BICRAL: variants seen among roughly 807,000 people sequenced by gnomAD.
BICRAL encodes BRD4-interacting chromatin-remodeling complex-associated protein-like.
A neutral mutation model predicts 91.8 loss-of-function variants in BICRAL; 8 were observed. The observed-to-expected ratio is 0.09, with a 90% CI of 0.05 to 0.16. The LOEUF (loss-of-function observed/expected upper bound fraction) is 0.16. Ranked by LOEUF, BICRAL falls within the 10% of genes least tolerant of loss-of-function variation. BICRAL has a pLI of 1.00. For synonymous variants in BICRAL, 445 were observed against 491.1 expected, an observed-to-expected ratio of 0.91 and a Z score of 1.24; for missense variants, 1,038 against 1,310.9, an observed-to-expected ratio of 0.79 and a Z score of 3.21.
chr6:42,804,371 A>T (rs1255682173), intron 1 of BICRAL, among the ~76,000 whole-genome samples: 1 of 152,152 alleles, frequency 6.6e-6, no homozygotes, highest in Non-Finnish European at 1.5e-5. Flanking sequence ...TCCACTGTGT[A>T]TGAAAGGTTG....
intron 9 of BICRAL, 76 bp downstream of exon 9, chr6:42,855,993 G>C: frequency 8.7e-7 from 1 of 1,154,226 alleles, no homozygotes; most frequent in South Asian, 1.2e-5. Flanking sequence ...ATATACCACA[G>C]AAAACAGGTT....
At chr6:42,811,654 G>C (rs1763848257) in intron 2 of BICRAL, among the ~76,000 whole-genome samples, 1 of 151,636 alleles carries the variant, frequency 6.6e-6, no homozygotes, top group South Asian at 2.1e-4. Flanking sequence ...ACGTTCCCAG[G>C]GTACCCAGAG....
At chr6:42,852,017 T>A (rs1030622096) in intron 6 of BICRAL, 75 bp from the exon 7 acceptor site, 10 of 885,488 alleles carry the variant, frequency 1.1e-5, no homozygotes, top group Non-Finnish European at 1.8e-5. Context: ...ATGAAGAGGC[T>A]TGGTTGGTAT....
intron 2 of BICRAL, among the ~76,000 whole-genome samples, chr6:42,817,119 C>G (rs1764015434): frequency 6.6e-6 from 1 of 151,056 alleles, no homozygotes. Context: ...ATTTTAGGTT[C>G]TATACATTTA....
At chr6:42,821,467 C>T (rs1455862083) in intron 2 of BICRAL, among the ~76,000 whole-genome samples, 1 of 152,136 alleles carries the variant, frequency 6.6e-6, no homozygotes, top group Non-Finnish European at 1.5e-5. Context: ...TGGGACCGGC[C>T]GGCCAGAGCC....
At chr6:42,790,998 G>A (rs2113877609) in intron 1 of BICRAL, among the ~76,000 whole-genome samples, 1 of 152,132 alleles carries the variant, frequency 6.6e-6, no homozygotes, top group South Asian at 2.1e-4. Context: ...CATGGTGCCT[G>A]GCTACAAGCA....
intron 1 of BICRAL, among the ~76,000 whole-genome samples, chr6:42,792,983 C>T (rs1763316716): frequency 6.7e-6 from 1 of 149,018 alleles, no homozygotes; most frequent in African/African-American, 2.5e-5. Context: ...GAGATGGAAT[C>T]TCACTCTGTT....
At chr6:42,809,107 C>A (rs567337091) in intron 1 of BICRAL, among the ~76,000 whole-genome samples, 3 of 151,632 alleles carry the variant, frequency 2.0e-5, no homozygotes, top group Non-Finnish European at 2.9e-5. Context: ...CCCCGGCACC[C>A]CCCCCAACAG....
chr6:42,833,913 G>A (rs897831706), intron 6 of BICRAL, among the ~76,000 whole-genome samples: 1 of 151,976 alleles, frequency 6.6e-6, no homozygotes, highest in Non-Finnish European at 1.5e-5. Flanking sequence ...GGAGTGCAAT[G>A]GTGCAATCTC....
intron 1 of BICRAL, among the ~76,000 whole-genome samples, chr6:42,785,314 CTT>C (rs1457887885): frequency 1.3e-5 from 2 of 152,076 alleles, no homozygotes; most frequent in Non-Finnish European, 2.9e-5. Flanking sequence ...AATCCCAGCA[CTT>C]TTGAGGCTGA....
At chr6:42,821,506 C>T (rs1324966187) in intron 2 of BICRAL, among the ~76,000 whole-genome samples, 1 of 152,100 alleles carries the variant, frequency 6.6e-6, no homozygotes, top group Non-Finnish European at 1.5e-5. Flanking sequence ...CTAGGGTGCC[C>T]CCTCTTCTCT....
At chr6:42,783,899 G>A (rs1236768499) in intron 1 of BICRAL, among the ~76,000 whole-genome samples, 2 of 152,170 alleles carry the variant, frequency 1.3e-5, no homozygotes, top group Non-Finnish European at 2.9e-5. Flanking sequence ...GCCCGGCGTG[G>A]GGGCAGGGCA....
chr6:42,860,639 A>T (rs140218127), intron 11 of BICRAL, among the ~76,000 whole-genome samples: 1 of 152,220 alleles, frequency 6.6e-6, no homozygotes, highest in African/African-American at 2.4e-5. Flanking sequence ...TTGCAGAGTA[A>T]TTAGCAGAGC....
intron 1 of BICRAL, among the ~76,000 whole-genome samples, chr6:42,748,031 C>T (rs1485027317): frequency 1.3e-5 from 2 of 151,226 alleles, no homozygotes; most frequent in Non-Finnish European, 2.9e-5. Flanking sequence ...CTCGAACTCC[C>T]GACCTCAGGT....
intron 1 of BICRAL, among the ~76,000 whole-genome samples, chr6:42,799,416 A>T (rs1172192517): frequency 6.6e-6 from 1 of 150,648 alleles, no homozygotes; most frequent in South Asian, 2.1e-4. Context: ...CTCCTGCCTC[A>T]GTCTCCTGGC....
intron 3 of BICRAL, among the ~76,000 whole-genome samples, 176 bp downstream of exon 3, chr6:42,822,239 C>CT (rs762832675): frequency 9.7e-4 from 140 of 143,638 alleles, no homozygotes; most frequent in African/African-American, 1.5e-3. Context: ...TTCAGTAATT[C>CT]TTTTTTTTTT....
chr6:42,793,740 C>G (rs1229312358), intron 1 of BICRAL, among the ~76,000 whole-genome samples: 1 of 145,202 alleles, frequency 6.9e-6, no homozygotes, highest in Non-Finnish European at 1.5e-5. Flanking sequence ...GGCGCTACTT[C>G]TATGCGTAGG....
intron 7 of BICRAL, 46 bp downstream of exon 7, chr6:42,852,243 A>G (rs1765207738): frequency 9.1e-7 from 1 of 1,100,658 alleles, no homozygotes. Flanking sequence ...ACACCACGGG[A>G]TGCTCTTCTC....
At chr6:42,786,835 G>GGA (rs1763116883) in intron 1 of BICRAL, among the ~76,000 whole-genome samples, 1 of 152,186 alleles carries the variant, frequency 6.6e-6, no homozygotes, top group Non-Finnish European at 1.5e-5. Context: ...TTGTTAGACT[G>GGA]GAGAGAAGGC....
Sources: allele counts gnomAD v4.1 joint callset (sites outside exome capture counted in the v4.1 genomes callset), GRCh38; gene constraint gnomAD v4.1.1; transcripts MANE v1.5; gene names NCBI Gene and HGNC (gene_info 2026-07-23, HGNC 2026-07-21).